REL: variants seen among roughly 807,000 people sequenced by gnomAD.
REL encodes REL proto-oncogene, NF-kB subunit.
In REL, 15 loss-of-function variants were observed where a neutral mutation model predicts 45.9. The observed-to-expected ratio is 0.33, with a 90% confidence interval of 0.22 to 0.50. REL has a LOEUF of 0.50. Among genes scored for constraint, REL ranks in the 20% least tolerant of loss-of-function variants. The pLI, the probability that REL is intolerant of heterozygous loss-of-function variation, is 0.98. For missense variants in REL, 601 were observed against 715.2 expected, an observed-to-expected ratio of 0.84 and a Z score of 1.82; for synonymous variants, 239 against 242.1, an observed-to-expected ratio of 0.99 and a Z score of 0.12.
chr2:60,897,211 C>G (rs1024417532), intron 3 of REL, among the ~76,000 whole-genome samples: 1 of 152,018 alleles, frequency 6.6e-6, no homozygotes, highest in Non-Finnish European at 1.5e-5. Flanking sequence ...CAAACTGTCT[C>G]CTGTGTTTTT....
chr2:60,903,341 A>G (rs984950132), intron 4 of REL, among the ~76,000 whole-genome samples: 1 of 152,206 alleles, frequency 6.6e-6, no homozygotes, highest in Non-Finnish European at 1.5e-5. Context: ...AGGCATTAAA[A>G]AGGAAGATGC....
At chr2:60,890,855 C>G (rs1056400966) in intron 1 of REL, among the ~76,000 whole-genome samples, 1 of 152,244 alleles carries the variant, frequency 6.6e-6, no homozygotes, top group Non-Finnish European at 1.5e-5. Context: ...TTGTATATTA[C>G]TTTACATATC....
chr2:60,922,151 T>C lies in REL; in HGVS notation c.1380T>C (p.Ser460=). 6.2e-7 allele frequency: 1 copy of C among 1,614,148 alleles called. No individual in the cohort carries two copies. The highest frequency in any genetic ancestry group is 8.5e-7 in the Non-Finnish European group (1 of 1,180,020). The change falls in exon 10 of 10, where the codon TCT becomes TCC. Residue 460 remains serine (S), a synonymous_variant. Coordinates refer to ENST00000394479, the MANE Select transcript of REL (RefSeq NM_001291746.2). ...LYGISDPNML[S]NCSVNMMTTS... is the part of the protein sequence containing the mutation. ...GTATTTCTGATCCCAACATGCTGTC[T>C]AATTGTTCTGTGAATATGATGACAA...
chr2:60,917,079 TA>T, intron 5 of REL, 62 bp downstream of exon 5: 2 of 1,392,798 alleles, frequency 1.4e-6, no homozygotes, highest in Non-Finnish European at 9.8e-7. Flanking sequence ...GTTTAATTCT[TA>T]AAATTATTTT....
chr2:60,910,021 C>T (rs182142170), intron 4 of REL, among the ~76,000 whole-genome samples: 43 of 152,220 alleles, frequency 2.8e-4, no homozygotes, highest in Non-Finnish European at 5.3e-4. Flanking sequence ...AGCTAGTAGA[C>T]ATAATTGATT....
chr2:60,918,694 T>C, intron 7 of REL, 88 bp downstream of exon 7: 1 of 877,232 alleles, frequency 1.1e-6, no homozygotes, highest in Non-Finnish European at 1.8e-6. Flanking sequence ...TGAGTACAGT[T>C]ATGTATATTC....
rs1351965876 is a variant in REL at position 60,930,407 on chromosome 2, G to C, written c.*7872G>C. The C allele has an allele frequency of 1.3e-5, 2 of 152,310 alleles. No homozygotes were observed. The highest frequency in any genetic ancestry group is 4.8e-5 in the African/African-American group (2 of 41,450). 9.4% of individuals were successfully genotyped at this position (152,310 alleles called of 1,614,324 possible). On this transcript the variant is annotated 3_prime_UTR_variant, in exon 10 of 10. Coordinates refer to ENST00000394479, the MANE Select transcript of REL (RefSeq NM_001291746.2). ...ACTAGTTATTGCCCAGCTTTGGAGAGCCTTCTTTTGGCTTATCATTTATTA... is the reference window on the plus strand; with the variant it reads ...ACTAGTTATTGCCCAGCTTTGGAGACCCTTCTTTTGGCTTATCATTTATTA...
chr2:60,892,741 AATTT>A (rs1271426328), intron 2 of REL, among the ~76,000 whole-genome samples: 1 of 150,768 alleles, frequency 6.6e-6, no homozygotes, highest in Non-Finnish European at 1.5e-5. Flanking sequence ...AGATGTACTA[AATTT>A]ATTTATTTTT....
intron 1 of REL, among the ~76,000 whole-genome samples, chr2:60,885,144 C>G (rs1673040246): frequency 6.6e-6 from 1 of 152,274 alleles, no homozygotes. Flanking sequence ...CTAGGTTATG[C>G]ATAGTATCTT....
chr2:60,920,871 G>T (rs978404179), intron 9 of REL, among the ~76,000 whole-genome samples: 5 of 152,042 alleles, frequency 3.3e-5, no homozygotes, highest in Non-Finnish European at 7.4e-5. Flanking sequence ...TGTTCATATG[G>T]TAGCAATTTT....
In REL at chr2:60,929,013, C is replaced by G. The variant is rs1286099659; in HGVS notation, c.*6478C>G. 1.3e-5 allele frequency: 2 copies of G among 148,610 alleles called. No individual in the cohort carries two copies. The highest frequency in any genetic ancestry group is 3.0e-5 in the Non-Finnish European group (2 of 66,350). The allele number at this position is 148,610 out of a possible 1,614,324, so 9.2% of individuals were successfully genotyped here. ...ACCCCATCAAAAAGTGGGCGAAGGA[C>G]ATGAACAGACACTTCTCAAAAGAAG... On this transcript the variant is annotated 3_prime_UTR_variant, in exon 10 of 10. Coordinates refer to ENST00000394479, the MANE Select transcript of REL (RefSeq NM_001291746.2).
rs1039331587 is a variant in REL at position 60,922,264 on chromosome 2, C to A, written c.1493C>A (p.Pro498Gln). The change falls in exon 10 of 10, where the codon CCA (proline) becomes CAA (glutamine). Residue 498 changes from proline (P) to glutamine (Q), a missense_variant. Coordinates refer to ENST00000394479, the MANE Select transcript of REL (RefSeq NM_001291746.2). The stretch of plus-strand genomic sequence containing the variant: ...CCCTCATGTAATTCAGTGTTAGACC[C>A]AAGAGACTTGAGACAGCTCCATCAG... Reference protein sequence around the residue: ...ENPSCNSVLDPRDLRQLHQMS... With the variant: ...ENPSCNSVLDQRDLRQLHQMS... 6.2e-7 allele frequency: 1 copy of A among 1,614,040 alleles called. No homozygotes were observed. Among genetic ancestry groups the A allele is most frequent in the Non-Finnish European group, 8.5e-7 (1 of 1,180,016 alleles).
At chr2:60,886,588 T>C (rs1488838821) in intron 1 of REL, among the ~76,000 whole-genome samples, 1 of 152,160 alleles carries the variant, frequency 6.6e-6, no homozygotes, top group Non-Finnish European at 1.5e-5. Flanking sequence ...GAGGATCAAA[T>C]GAGAAATGTA....
chr2:60,920,595 G>A lies in REL; in HGVS notation c.944G>A (p.Arg315Lys). 6.2e-7 allele frequency: 1 copy of A among 1,603,412 alleles called. No homozygotes were observed. The highest frequency in any genetic ancestry group is 8.5e-7 in the Non-Finnish European group (1 of 1,172,078). ...QDHVNFPERP[R>K]PGLLGSIGEG... ...ACAGTTAATTTTCCTGAGAGACCAA[G>A]ACCTGGTCTCCTCGGTTCAATTGGA... The change falls in exon 9 of 10, where the codon AGA becomes AAA. Residue 315 changes from arginine to lysine, a missense_variant. Physicochemically the swap from Arg to Lys is conservative, Grantham distance 26. Around this residue, in one of 4 missense-constraint regions of REL, gnomAD observed 334 missense variants for 333.1 expected, o/e 1.00. Transcript: ENST00000394479.
intron 1 of REL, 136 bp downstream of exon 1, chr2:60,881,986 C>A: frequency 1.7e-6 from 1 of 584,710 alleles, no homozygotes; most frequent in South Asian, 2.9e-5. Context: ...GTAAAATTGT[C>A]AGCTTTTAAA....
At chr2:60,890,795 A>G (rs930765859) in intron 1 of REL, among the ~76,000 whole-genome samples, 1 of 152,148 alleles carries the variant, frequency 6.6e-6, no homozygotes, top group Non-Finnish European at 1.5e-5. Flanking sequence ...TGCCTTTCCT[A>G]TCCACCATAT....
intron 3 of REL, chr2:60,900,464 T>C (rs955958413): frequency 1.3e-5 from 2 of 152,558 alleles, no homozygotes; most frequent in African/African-American, 4.8e-5. Flanking sequence ...AAACACTGTA[T>C]GTTAAAATGA....
At chr2:60,894,615 C>G (rs190537815) in intron 3 of REL, 70 bp downstream of exon 3, 117 of 1,180,452 alleles carry the variant, frequency 9.9e-5, no homozygotes, top group Admixed American at 9.1e-4. Context: ...TTCTCCATGA[C>G]AATCTGTTAC....
Position 60,925,855 on chromosome 2 carries a change from C to T in REL, c.*3320C>T, listed in dbSNP as rs1008871418. 19 of 221,028 alleles carry T rather than the reference C, an allele frequency of 8.6e-5. No homozygotes were observed. Among genetic ancestry groups the T allele is most frequent in the African/African-American group, 3.8e-4 (17 of 44,538 alleles). The allele number at this position is 221,028 out of a possible 1,614,324, so 13.7% of individuals were successfully genotyped here. A position where few individuals can be genotyped will look rare whatever the true frequency, so the allele number is the denominator to read the frequency against. The stretch of plus-strand genomic sequence containing the variant: ...AAGTATAAGCCGAATTAAGGTTCTG[C>T]TACATCTGTGTTTAGAATATTTTTT... On this transcript the variant is annotated 3_prime_UTR_variant, in exon 10 of 10. Transcript: ENST00000394479.
Sources: gnomAD v4.1 joint callset for allele counts (sites outside exome capture counted in the v4.1 genomes callset) on GRCh38, gnomAD v4.1.1 for gene constraint, gnomAD v4.1.1 regional missense constraint, MANE v1.5 for transcripts, NCBI Gene and HGNC (gene_info 2026-07-23, HGNC 2026-07-21) for gene names.